The following COL23A1 variants were observed in gnomAD, a reference collection of about 807,000 sequenced individuals.
COL23A1 encodes the protein collagen alpha-1(XXIII) chain.
COL23A1 carries 97 observed loss-of-function variants against 99.3 expected under a neutral mutation model. The observed-to-expected ratio is 0.98, with a 90% CI of 0.83 to 1.16. The LOEUF (loss-of-function observed/expected upper bound fraction) is 1.16, where lower values mean the gene tolerates loss of function less well. COL23A1 is among the 50% of genes most tolerant of loss of function. The pLI, the probability that COL23A1 is intolerant of heterozygous loss-of-function variation, is 0.00. For synonymous variants in COL23A1, 320 were observed against 308.2 expected (o/e 1.04, Z -0.40); for missense variants, 762 against 757.4 (o/e 1.01, Z -0.07).
chr5:178,585,099 G>A (rs1763858706), intron 1 of COL23A1, among the ~76,000 whole-genome samples: 1 of 152,160 alleles, frequency 6.6e-6, no homozygotes, highest in Admixed American at 6.5e-5. Context: ...CAGCTGGACA[G>A]CAGAGCCCCA....
At chr5:178,475,693 GA>G (rs1756991753) in intron 2 of COL23A1, among the ~76,000 whole-genome samples, 2 of 152,208 alleles carry the variant, frequency 1.3e-5, no homozygotes, top group African/African-American at 2.4e-5. Flanking sequence ...AGGGTCACAC[GA>G]GGCTGAGATC....
chr5:178,435,372 G>A (rs1037157446), intron 2 of COL23A1, among the ~76,000 whole-genome samples: 3 of 152,142 alleles, frequency 2.0e-5, no homozygotes, highest in African/African-American at 4.8e-5. Context: ...AGCCCCAAGT[G>A]ATCTTCACCT....
intron 3 of COL23A1, among the ~76,000 whole-genome samples, chr5:178,304,796 G>A (rs1457441721): frequency 6.6e-6 from 1 of 152,168 alleles, no homozygotes; most frequent in Non-Finnish European, 1.5e-5. Context: ...GCAAGGTACT[G>A]TACCCCTTGG....
intron 2 of COL23A1, among the ~76,000 whole-genome samples, chr5:178,469,498 A>AGT: frequency 6.6e-6 from 1 of 152,034 alleles, no homozygotes; most frequent in Non-Finnish European, 1.5e-5. Flanking sequence ...CTGCAGGTGC[A>AGT]TCAGTTCCAA....
At chr5:178,326,053 A>G (rs1041121718) in intron 2 of COL23A1, among the ~76,000 whole-genome samples, 3 of 152,222 alleles carry the variant, frequency 2.0e-5, no homozygotes, top group Admixed American at 1.3e-4. Context: ...CCGAGACCCC[A>G]GATAATAAGC....
chr5:178,337,075 G>T (rs965398912), intron 2 of COL23A1, among the ~76,000 whole-genome samples: 6 of 152,204 alleles, frequency 3.9e-5, no homozygotes, highest in African/African-American at 1.2e-4. Context: ...ATTGGAATTC[G>T]ATTTCCCATG....
intron 2 of COL23A1, among the ~76,000 whole-genome samples, chr5:178,416,105 T>C (rs1466993750): frequency 6.6e-6 from 1 of 152,188 alleles, no homozygotes; most frequent in African/African-American, 2.4e-5. Context: ...ATTCATTCAT[T>C]CATTCATTCG....
In COL23A1 at chr5:178,468,634, G is replaced by A. The variant is rs1205866435; in HGVS notation, c.361+92048C>T. Among the ~76,000 whole-genome samples the A allele has an allele frequency of 6.6e-6, 1 of 152,096 alleles. No individual in the cohort carries two copies. Among genetic ancestry groups the A allele is most frequent in the African/African-American group, 2.4e-5 (1 of 41,418 alleles). ...CGAGTCCCCCCAGGCAGCCTGGAGGGAAGGGCCGGGTCCGAGGTCACGGAG... is the reference window on the plus strand; with the variant it reads ...CGAGTCCCCCCAGGCAGCCTGGAGGAAAGGGCCGGGTCCGAGGTCACGGAG... On this transcript the variant is annotated intron_variant, in intron 2 of 28. Coordinates refer to ENST00000390654, the MANE Select transcript of COL23A1 (RefSeq NM_173465.4). The surrounding 1 kb of genome is among the most constrained non-coding windows in gnomAD (Gnocchi z 4.2).
rs1349424090 is a variant in COL23A1 at position 178,312,198 on chromosome 5, G to A, written c.362-5279C>T. ...CCCGTGGGAAGCCGGGAGCTTTCCC[G>A]TGTCCCTAATCACTGCCTGTCTGTG... is the stretch of plus-strand genomic sequence containing the variant. On this transcript the variant is annotated intron_variant, in intron 2 of 28. Transcript: ENST00000390654. 9.9e-5 allele frequency among the ~76,000 whole-genome samples: 15 copies of A among 152,274 alleles called. No individual in the cohort carries two copies. The East Asian group carries it at 1.9e-3, about 20-fold the overall frequency.
intron 2 of COL23A1, among the ~76,000 whole-genome samples, chr5:178,315,130 G>C (rs1273532540): frequency 1.3e-5 from 2 of 152,158 alleles, no homozygotes; most frequent in African/African-American, 4.8e-5. Context: ...TTCTGGGCTG[G>C]TTCCTCTCCC....
chr5:178,246,146 CT>C, intron 24 of COL23A1, 107 bp downstream of exon 24: 1 of 1,332,862 alleles, frequency 7.5e-7, no homozygotes. Context: ...AACTCTGGCC[CT>C]GCGAAGTGCA....
At chr5:178,288,209 G>T in intron 5 of COL23A1, 115 bp downstream of exon 5, 1 of 950,110 alleles carries the variant, frequency 1.1e-6, no homozygotes, top group Admixed American at 1.7e-5. Context: ...AAAGACCACG[G>T]CTGCTGAGGA....
intron 25 of COL23A1, 57 bp downstream of exon 25, chr5:178,245,885 G>A (rs1440887667): frequency 6.3e-7 from 1 of 1,590,588 alleles, no homozygotes; most frequent in African/African-American, 1.3e-5. Context: ...ACTGCATGAG[G>A]GCAGAAGATA....
intron 1 of COL23A1, among the ~76,000 whole-genome samples, chr5:178,561,670 T>C (rs929665334): frequency 1.1e-4 from 17 of 152,260 alleles, no homozygotes; most frequent in Admixed American, 4.6e-4. Context: ...GTTTTAACCT[T>C]TCTCTAGGGG....
chr5:178,258,539 GCGCCCGCCA>G (rs1474105748), intron 12 of COL23A1, among the ~76,000 whole-genome samples: 1 of 151,000 alleles, frequency 6.6e-6, no homozygotes, highest in Non-Finnish European at 1.5e-5. Flanking sequence ...GGGACTACAG[GCGCCCGCCA>G]CCACGCCCGG....
intron 2 of COL23A1, among the ~76,000 whole-genome samples, chr5:178,368,412 G>A (rs910264325): frequency 1.3e-5 from 2 of 152,160 alleles, no homozygotes; most frequent in Non-Finnish European, 2.9e-5. Flanking sequence ...CAGAGGGTAC[G>A]TCTGTCGGCT....
At chr5:178,583,286 C>T (rs1434598448) in intron 1 of COL23A1, among the ~76,000 whole-genome samples, 1 of 152,206 alleles carries the variant, frequency 6.6e-6, no homozygotes, top group Non-Finnish European at 1.5e-5. Context: ...AGTTTCATGC[C>T]ACTGAGGTGG....
At chr5:178,250,164 A>G in intron 17 of COL23A1, 59 bp from the exon 18 acceptor site, 1 of 1,603,540 alleles carries the variant, frequency 6.2e-7, no homozygotes, top group Middle Eastern at 1.7e-4. Context: ...AGGTGTCAGC[A>G]GCCAGAGGGC....
chr5:178,304,381 C>T (rs758120606), intron 3 of COL23A1, among the ~76,000 whole-genome samples: 4 of 151,946 alleles, frequency 2.6e-5, no homozygotes, highest in Non-Finnish European at 5.9e-5. Flanking sequence ...CGTGGTGACG[C>T]GTGCCTGTAA....
Sources: gnomAD v4.1 joint callset for allele counts (sites outside exome capture counted in the v4.1 genomes callset) on GRCh38, gnomAD v4.1.1 for gene constraint, Gnocchi (gnomAD v3.1) non-coding constraint, MANE v1.5 for transcripts, NCBI Gene and HGNC (gene_info 2026-07-23, HGNC 2026-07-21) for gene names.